KANK1: variants seen among roughly 807,000 people sequenced by gnomAD.
The protein encoded by KANK1 is KN motif and ankyrin repeat domains 1, also known as KN motif and ankyrin repeat domain-containing protein 1.
Under a neutral mutation model 106.2 loss-of-function variants are expected in KANK1, and 109 were observed. The observed-to-expected ratio is 1.03, with a 90% CI of 0.88 to 1.20. The LOEUF is 1.20. Among genes scored for constraint, KANK1 ranks in the 50% most tolerant of loss-of-function variants. The pLI, the probability that KANK1 is intolerant of heterozygous loss-of-function variation, is 0.00. For synonymous variants in KANK1, 873 were observed against 652.2 expected, an observed-to-expected ratio of 1.34 and a Z score of -5.16; for missense variants, 2,399 against 1,710.7, an observed-to-expected ratio of 1.40 and a Z score of -7.10.
intron 1 of KANK1, among the ~76,000 whole-genome samples, chr9:612,157 CT>C (rs1830714786): frequency 6.6e-6 from 1 of 152,176 alleles, no homozygotes; most frequent in Non-Finnish European, 1.5e-5. Flanking sequence ...TTAAATTGCA[CT>C]TTGTTAATAG....
At chr9:702,034 C>T (rs570078436) in intron 2 of KANK1, among the ~76,000 whole-genome samples, 27 of 152,304 alleles carry the variant, frequency 1.8e-4, no homozygotes, top group Middle Eastern at 3.4e-3. Flanking sequence ...AAATAAGGAG[C>T]AGACTTGCCA....
chr9:607,487 A>G (rs1370552501), intron 1 of KANK1, among the ~76,000 whole-genome samples: 5 of 148,470 alleles, frequency 3.4e-5, no homozygotes, highest in African/African-American at 1.0e-4. Flanking sequence ...TCCATCTCAA[A>G]AAAAAAAAAA....
intron 1 of KANK1, among the ~76,000 whole-genome samples, chr9:535,476 T>A (rs2060255136): frequency 6.6e-6 from 1 of 152,206 alleles, no homozygotes; most frequent in African/African-American, 2.4e-5. Flanking sequence ...ACTGTGAGTT[T>A]TCATGTGTGA....
chr9:609,589 C>T (rs1037275227), intron 1 of KANK1, among the ~76,000 whole-genome samples: 4 of 152,088 alleles, frequency 2.6e-5, no homozygotes, highest in Non-Finnish European at 4.4e-5. Context: ...GAGATCGCTC[C>T]ACTGTACTCC....
chr9:679,303 C>T lies in KANK1; in HGVS notation c.37+2294C>T, dbSNP rs74710818. 3.6e-3 allele frequency among the ~76,000 whole-genome samples: 552 copies of T among 151,984 alleles called. 5 individuals are homozygous for T. The highest frequency in any genetic ancestry group is 0.012 in the African/African-American group (503 of 41,396). On this transcript the variant is annotated intron_variant, in intron 2 of 11. Coordinates refer to ENST00000382297, the MANE Select transcript of KANK1 (RefSeq NM_015158.5). ...AAACAGTAATATATATGCAAACATACATATATGTGTGTATGTGTCTGTATA... is the reference window on the plus strand; with the variant it reads ...AAACAGTAATATATATGCAAACATATATATATGTGTGTATGTGTCTGTATA...
intron 2 of KANK1, among the ~76,000 whole-genome samples, chr9:706,458 G>GTGGGAAAAGTA (rs1393138884): frequency 6.6e-6 from 1 of 152,026 alleles, no homozygotes; most frequent in African/African-American, 2.4e-5. Context: ...AAATCCTTAA[G>GTGGGAAAAGTA]TGGGAAAAGT....
chr9:625,916 T>G (rs946690909), intron 1 of KANK1, among the ~76,000 whole-genome samples: 1 of 152,156 alleles, frequency 6.6e-6, no homozygotes, highest in Non-Finnish European at 1.5e-5. Context: ...ATGATCATTT[T>G]CATCCTGAGC....
intron 1 of KANK1, among the ~76,000 whole-genome samples, chr9:595,361 G>A (rs1825951332): frequency 6.6e-6 from 1 of 151,868 alleles, no homozygotes; most frequent in African/African-American, 2.4e-5. Flanking sequence ...TTCTCTTGCT[G>A]TGAAAGCACT....
chr9:565,070 T>G (rs1381607222), intron 1 of KANK1, among the ~76,000 whole-genome samples: 1 of 152,226 alleles, frequency 6.6e-6, no homozygotes, highest in Non-Finnish European at 1.5e-5. Context: ...GACCAAAGTG[T>G]GACTTTAGAA....
At chr9:630,098 A>C (rs1835303731) in intron 1 of KANK1, among the ~76,000 whole-genome samples, 1 of 151,906 alleles carries the variant, frequency 6.6e-6, no homozygotes, top group Non-Finnish European at 1.5e-5. Flanking sequence ...AAAATACAAA[A>C]ATTAGCAGAC....
intron 1 of KANK1, among the ~76,000 whole-genome samples, chr9:584,259 T>C (rs777929820): frequency 6.7e-6 from 1 of 149,884 alleles, no homozygotes; most frequent in Non-Finnish European, 1.5e-5. Flanking sequence ...ACAAGTAATA[T>C]CATATGATTT....
intron 2 of KANK1, chr9:693,586 C>G (rs889369137): frequency 2.0e-6 from 2 of 985,192 alleles, no homozygotes; most frequent in Non-Finnish European, 2.4e-6. Flanking sequence ...CTCACTGACG[C>G]CAAGAGTCCT....
intron 1 of KANK1, among the ~76,000 whole-genome samples, chr9:656,658 G>A (rs1168334037): frequency 6.6e-6 from 1 of 152,160 alleles, no homozygotes; most frequent in East Asian, 1.9e-4. Flanking sequence ...TGTCTAGCGT[G>A]GGTAGGTGAA....
intron 3 of KANK1, among the ~76,000 whole-genome samples, chr9:491,271 TTTTC>T (rs2058373313): frequency 6.9e-6 from 1 of 144,862 alleles, no homozygotes; most frequent in Non-Finnish European, 1.5e-5. Context: ...CTGGAGTGCA[TTTTC>T]TTTTTTTTTT....
At chr9:643,381 G>A (rs1475770738) in intron 1 of KANK1, among the ~76,000 whole-genome samples, 1 of 150,570 alleles carries the variant, frequency 6.6e-6, no homozygotes, top group Non-Finnish European at 1.5e-5. Context: ...ACTCTTAAAT[G>A]TTTTTTTGCA....
intron 2 of KANK1, among the ~76,000 whole-genome samples, chr9:689,302 C>G (rs1302394826): frequency 1.3e-5 from 2 of 152,168 alleles, no homozygotes; most frequent in African/African-American, 4.8e-5. Context: ...GATAAGAAGA[C>G]AGAAGACTTT....
At chr9:719,971 G>GT (rs962395796) in intron 3 of KANK1, among the ~76,000 whole-genome samples, 5 of 152,206 alleles carry the variant, frequency 3.3e-5, no homozygotes, top group Admixed American at 3.3e-4. Context: ...TAAGTGGCTT[G>GT]TTTTTCATTA....
At chr9:614,040 G>C (rs1238057477) in intron 1 of KANK1, among the ~76,000 whole-genome samples, 1 of 152,170 alleles carries the variant, frequency 6.6e-6, no homozygotes, top group Non-Finnish European at 1.5e-5. Flanking sequence ...GCACTGGAGG[G>C]CCATTTTTCA....
At chr9:742,468 G>A (rs920367375) in intron 10 of KANK1, 63 bp downstream of exon 10, 1 of 1,391,196 alleles carries the variant, frequency 7.2e-7, no homozygotes, top group Non-Finnish European at 9.9e-7. Flanking sequence ...GGAGCTCTGG[G>A]AGTGCCTTTT....
Sources: gnomAD v4.1 joint callset for allele counts (sites outside exome capture counted in the v4.1 genomes callset) on GRCh38, gnomAD v4.1.1 for gene constraint, MANE v1.5 for transcripts, NCBI Gene and HGNC (gene_info 2026-07-23, HGNC 2026-07-21) for gene names.